XIRP2: variants seen among roughly 807,000 people sequenced by gnomAD.
The protein encoded by XIRP2 is xin actin-binding repeat-containing protein 2.
Under a neutral mutation model 277.0 loss-of-function variants are expected in XIRP2, and 236 were observed. The observed-to-expected ratio is 0.85, with a 90% CI of 0.77 to 0.95. The LOEUF (loss-of-function observed/expected upper bound fraction) is 0.95. Ranked by LOEUF, XIRP2 falls within the 40% of genes least tolerant of loss-of-function variation. The pLI, the probability that XIRP2 is intolerant of heterozygous loss-of-function variation, is 0.00. For synonymous variants in XIRP2, 1,490 were observed against 1,416.5 expected (o/e 1.05, Z -1.17); for missense variants, 4,640 against 4,157.5 (o/e 1.12, Z -3.19).
At chr2:167,024,481 C>T (rs1384096625) in intron 2 of XIRP2, among the ~76,000 whole-genome samples, 11 of 152,022 alleles carry the variant, frequency 7.2e-5, no homozygotes, top group African/African-American at 2.7e-4. Flanking sequence ...CCAGAACTTC[C>T]CACACTATGT....
chr2:167,081,030 G>T (rs1298118672), intron 2 of XIRP2, among the ~76,000 whole-genome samples: 1 of 151,936 alleles, frequency 6.6e-6, no homozygotes, highest in African/African-American at 2.4e-5. Context: ...TGTAAGATTT[G>T]CTTTAAAGTC....
intron 7 of XIRP2, among the ~76,000 whole-genome samples, chr2:167,241,420 A>G (rs932868707): frequency 2.6e-5 from 4 of 152,202 alleles, no homozygotes; most frequent in Admixed American, 6.5e-5. Flanking sequence ...GAAAATCCAG[A>G]GATAACCAAC....
At chr2:167,097,800 T>C (rs1001176533) in intron 2 of XIRP2, among the ~76,000 whole-genome samples, 6 of 152,172 alleles carry the variant, frequency 3.9e-5, no homozygotes, top group Admixed American at 6.5e-5. Context: ...TTCTCCTTCA[T>C]TTATGAAGCT....
chr2:166,986,308 A>G (rs1367890601), intron 2 of XIRP2, among the ~76,000 whole-genome samples: 3 of 152,192 alleles, frequency 2.0e-5, no homozygotes, highest in African/African-American at 7.2e-5. Context: ...GACTCATCAT[A>G]ATTAACATCT....
chr2:167,066,143 A>G (rs1279729452), intron 2 of XIRP2, among the ~76,000 whole-genome samples: 1 of 151,918 alleles, frequency 6.6e-6, no homozygotes, highest in Non-Finnish European at 1.5e-5. Context: ...ACAGTATTGT[A>G]AAGTATAGAC....
chr2:167,242,747 T>G lies in XIRP2; in HGVS notation c.1355T>G (p.Phe452Cys). ...NATSSGMTEE[F>C]PPPPPDVLQT... is the part of the protein sequence containing the mutation. Reference sequence around the variant, plus strand: ...ACTTCTTCAGGAATGACAGAAGAATTTCCTCCTCCCCCACCTGACGTACTT... The same window carrying G: ...ACTTCTTCAGGAATGACAGAAGAATGTCCTCCTCCCCCACCTGACGTACTT... The change falls in exon 9 of 11, where the codon TTT becomes TGT. Residue 452 changes from phenylalanine to cysteine, a missense_variant. Transcript: ENST00000409195. 6.2e-7 allele frequency: 1 copy of G among 1,614,000 alleles called. No individual in the cohort carries two copies. Among genetic ancestry groups the G allele is most frequent in the Non-Finnish European group, 8.5e-7 (1 of 1,179,908 alleles).
At chr2:167,224,622 A>G (rs761007884) in intron 5 of XIRP2, among the ~76,000 whole-genome samples, 1 of 152,198 alleles carries the variant, frequency 6.6e-6, no homozygotes, top group Admixed American at 6.5e-5. Flanking sequence ...CTTCTAAAAT[A>G]ATAACAGGTC....
In XIRP2 at chr2:167,038,765, T is replaced by C. The variant is rs1030110239; in HGVS notation, c.409-97144T>C. Reference sequence around the variant, plus strand: ...GTTAGTGGCATGATCCTCATACATATAAATGTCTTAACTTTGACTACTCTG... The same window carrying C: ...GTTAGTGGCATGATCCTCATACATACAAATGTCTTAACTTTGACTACTCTG... On this transcript the variant is annotated intron_variant, in intron 2 of 10. Transcript: ENST00000409195. Among the ~76,000 whole-genome samples, 6 of 152,108 alleles carry C rather than the reference T, an allele frequency of 3.9e-5. No homozygotes were observed. In the East Asian group the frequency reaches 1.2e-3, roughly 29 times the overall value.
chr2:166,997,489 A>AT (rs569929985), intron 2 of XIRP2, among the ~76,000 whole-genome samples: 3 of 152,122 alleles, frequency 2.0e-5, no homozygotes, highest in Non-Finnish European at 4.4e-5. Context: ...TCCATTTAAT[A>AT]TTTTTTTCCA....
intron 2 of XIRP2, among the ~76,000 whole-genome samples, chr2:167,083,531 G>C (rs1439599818): frequency 1.3e-5 from 2 of 152,100 alleles, no homozygotes; most frequent in South Asian, 2.1e-4. Flanking sequence ...AAATTACCTT[G>C]GGCAGTATGG....
intron 3 of XIRP2, among the ~76,000 whole-genome samples, chr2:167,148,417 G>GAGAAAGAAAGAAAGAGAAAGAA (rs1558997092): frequency 7.6e-6 from 1 of 130,922 alleles, no homozygotes; most frequent in Non-Finnish European, 1.6e-5. Flanking sequence ...GAAAGAAAGA[G>GAGAAAGAAAGAAAGAGAAAGAA]AGAAAGAAAG....
At position 167,243,543 on chromosome 2, in the gene XIRP2, G is replaced by T; in HGVS notation, c.2151G>T (p.Gln717His). 3 of 1,613,994 alleles carry T rather than the reference G, an allele frequency of 1.9e-6. No homozygotes were observed. The highest frequency in any genetic ancestry group is 2.5e-6 in the Non-Finnish European group (3 of 1,179,996). ...CAGTGGATGAGGTTCATTTACTGCA[G>T]CTTAGGTCTGAGCTCAAAGAAATTA... ...LHSVDEVHLL[Q>H]LRSELKEIKG... Residue 717 changes from glutamine to histidine, a missense_variant, in exon 9 of 11, where the codon CAG becomes CAT. Gln to His is a conservative substitution (Grantham distance 24, BLOSUM62 0). Coordinates refer to ENST00000409195, the MANE Select transcript of XIRP2 (RefSeq NM_152381.6).
At chr2:167,209,833 A>C (rs1693971441) in intron 3 of XIRP2, among the ~76,000 whole-genome samples, 2 of 152,080 alleles carry the variant, frequency 1.3e-5, no homozygotes, top group African/African-American at 2.4e-5. Flanking sequence ...GAGGGTCCTT[A>C]TGTTCCTTTC....
chr2:167,053,721 G>A (rs1688973715), intron 2 of XIRP2, among the ~76,000 whole-genome samples: 1 of 152,134 alleles, frequency 6.6e-6, no homozygotes, highest in Non-Finnish European at 1.5e-5. Context: ...AAGTAATTCT[G>A]TATGATAATA....
intron 2 of XIRP2, among the ~76,000 whole-genome samples, chr2:167,049,733 G>T (rs925662066): frequency 3.3e-5 from 5 of 151,882 alleles, no homozygotes; most frequent in Admixed American, 2.0e-4. Flanking sequence ...ATCTTTTTTG[G>T]AAGTGCTAAT....
chr2:167,181,315 T>G (rs748810785), intron 3 of XIRP2, among the ~76,000 whole-genome samples: 2 of 152,170 alleles, frequency 1.3e-5, no homozygotes, highest in Admixed American at 6.5e-5. Flanking sequence ...AAACTATTTG[T>G]TCTTCTCTGA....
At chr2:167,142,573 A>T (rs533792991) in intron 3 of XIRP2, among the ~76,000 whole-genome samples, 156 of 151,776 alleles carry the variant, frequency 1.0e-3, no homozygotes, top group African/African-American at 3.5e-3. Context: ...TAAAAAAATA[A>T]AAAAAAAGAG....
intron 2 of XIRP2, among the ~76,000 whole-genome samples, chr2:167,033,404 G>C (rs920263810): frequency 6.6e-6 from 1 of 152,036 alleles, no homozygotes; most frequent in African/African-American, 2.4e-5. Context: ...AAACATGCAT[G>C]TTCTGCACGT....
intron 2 of XIRP2, among the ~76,000 whole-genome samples, chr2:167,070,744 A>T (rs1689417426): frequency 6.6e-6 from 1 of 152,152 alleles, no homozygotes; most frequent in African/African-American, 2.4e-5. Context: ...TCAAGATTTG[A>T]CTTGGAGCAT....
Sources: allele counts gnomAD v4.1 joint callset (sites outside exome capture counted in the v4.1 genomes callset), GRCh38; gene constraint gnomAD v4.1.1; transcripts MANE v1.5; gene names NCBI Gene and HGNC (gene_info 2026-07-23, HGNC 2026-07-21).